OSBPL9: variants seen among roughly 807,000 people sequenced by gnomAD.
OSBPL9 encodes the protein oxysterol-binding protein-related protein 9.
In OSBPL9, 40 loss-of-function variants were observed where a neutral mutation model predicts 106.6. The observed-to-expected ratio is 0.38, with a 90% CI of 0.29 to 0.49. OSBPL9 has a LOEUF of 0.49. OSBPL9 is among the 20% of genes least tolerant of loss of function. OSBPL9 has a pLI of 0.97. For missense variants in OSBPL9, 609 were observed against 887.2 expected (o/e 0.69, Z 3.98); for synonymous variants, 269 against 295.4 (o/e 0.91, Z 0.92).
chr1:51,526,648 G>A, the OSBPL9 span, among the ~76,000 whole-genome samples: 8 of 152,098 alleles, frequency 5.3e-5, no homozygotes, highest in African/African-American at 1.9e-4. Context: ...GGAAGCAAAG[G>A]AGATTCTTAC....
chr1:51,647,022 A>G (rs1016752412), intron 1 of OSBPL9, among the ~76,000 whole-genome samples: 12 of 152,176 alleles, frequency 7.9e-5, no homozygotes, highest in Non-Finnish European at 1.2e-4. Context: ...TAAAGCTTTT[A>G]ATCTTTCATC....
Position 51,788,573 on chromosome 1 carries a change from A to C in OSBPL9, c.*784A>C, listed in dbSNP as rs1479761983. ...CAAAGAAAGACACTTGAAATAATGG[A>C]GGATCCATTCTTTTCCTCTGTCAGA... On this transcript the variant is annotated 3_prime_UTR_variant, in exon 24 of 24. Transcript: ENST00000428468. 1.3e-5 allele frequency: 2 copies of C among 152,478 alleles called. No individual in the cohort carries two copies. 9.4% of individuals were successfully genotyped at this position (152,478 alleles called of 1,614,324 possible).
the OSBPL9 span, among the ~76,000 whole-genome samples, chr1:51,545,302 T>C: frequency 6.6e-6 from 1 of 152,092 alleles, no homozygotes; most frequent in African/African-American, 2.4e-5. Context: ...AATAGACAAA[T>C]ACATAGATAC....
chr1:51,781,018 A>T, intron 15 of OSBPL9, 146 bp from the exon 16 acceptor site: 1 of 632,788 alleles, frequency 1.6e-6, no homozygotes, highest in Non-Finnish European at 2.7e-6. Context: ...ATTATACTCA[A>T]TTTTAAAATG....
At chr1:51,730,421 T>G (rs1277694119) in intron 4 of OSBPL9, among the ~76,000 whole-genome samples, 1 of 152,174 alleles carries the variant, frequency 6.6e-6, no homozygotes, top group Non-Finnish European at 1.5e-5. Flanking sequence ...GGCCAAGTGT[T>G]TTTTGGTGGT....
At chr1:51,616,003 G>GTTTTTTTTTTTTTTTTTTTTTTTT (rs764823727), upstream of OSBPL9, among the ~76,000 whole-genome samples, 1 of 104,498 alleles carries the variant, frequency 9.6e-6, no homozygotes. Context: ...AAATCCTTTG[G>GTTTTTTTTTTTTTTTTTTTTTTTT]TTTTTTTTTT....
intron 2 of OSBPL9, among the ~76,000 whole-genome samples, chr1:51,603,807 A>T (rs1241568271): frequency 1.3e-5 from 2 of 152,146 alleles, no homozygotes; most frequent in East Asian, 3.8e-4. Flanking sequence ...ATTATTTAGG[A>T]TATGATATCA....
At chr1:51,530,170 C>CAAAAAAAAAAAAAAA in the OSBPL9 span, among the ~76,000 whole-genome samples, 20 of 10,996 alleles carry the variant, frequency 1.8e-3, 1 homozygote, top group Admixed American at 2.7e-3. Context: ...GACTCTGTCT[C>CAAAAAAAAAAAAAAA]AAAAAAAAAA....
the OSBPL9 span, among the ~76,000 whole-genome samples, chr1:51,559,021 GA>G: frequency 3.3e-5 from 5 of 152,030 alleles, no homozygotes; most frequent in Non-Finnish European, 7.4e-5. Flanking sequence ...TTCCACCAAA[GA>G]AAAAAAGGTA....
chr1:51,558,284 A>G, the OSBPL9 span, among the ~76,000 whole-genome samples: 1 of 123,744 alleles, frequency 8.1e-6, no homozygotes, highest in African/African-American at 3.6e-5. Flanking sequence ...CGTCTCAAAA[A>G]GAAAAAAAAA....
intron 3 of OSBPL9, among the ~76,000 whole-genome samples, chr1:51,676,230 G>A (rs745377343): frequency 2.0e-5 from 3 of 152,070 alleles, no homozygotes; most frequent in Non-Finnish European, 4.4e-5. Flanking sequence ...AGGAGTTTGA[G>A]ACCAGCCTGG....
At chr1:51,735,676 G>T (rs1475434862) in intron 4 of OSBPL9, among the ~76,000 whole-genome samples, 3 of 152,204 alleles carry the variant, frequency 2.0e-5, no homozygotes, top group Non-Finnish European at 4.4e-5. Context: ...TCCGGCACAG[G>T]GCCATAGTCA....
At chr1:51,571,523 T>C in the OSBPL9 span, among the ~76,000 whole-genome samples, 1 of 151,956 alleles carries the variant, frequency 6.6e-6, no homozygotes, top group South Asian at 2.1e-4. Flanking sequence ...AAAAATTAGT[T>C]GGGGATGGTG....
chr1:51,783,356 T>A (rs116402240), intron 17 of OSBPL9, among the ~76,000 whole-genome samples: 1,978 of 151,080 alleles, frequency 0.013, 41 homozygotes, highest in African/African-American at 0.043. Context: ...CTTATTTTTT[T>A]TTTTTTTTTT....
intron 3 of OSBPL9, among the ~76,000 whole-genome samples, chr1:51,678,003 G>A (rs1184106711): frequency 6.6e-6 from 1 of 150,980 alleles, no homozygotes; most frequent in African/African-American, 2.4e-5. Flanking sequence ...GTGAGGTCCT[G>A]TCTCTACAAA....
chr1:51,634,727 C>G (rs1645314377), intron 1 of OSBPL9, among the ~76,000 whole-genome samples: 2 of 152,136 alleles, frequency 1.3e-5, no homozygotes, highest in Admixed American at 6.5e-5. Flanking sequence ...TGTTCTCACG[C>G]CGCTGACAGA....
Position 51,685,527 on chromosome 1 carries a change from C to A in OSBPL9, c.241+16015C>A, listed in dbSNP as rs559333034. ...GGTTCAAGCGATTCTCCTGCCTTAG[C>A]CTCCCAAGTAGCTGGGATTATAGGC... is the stretch of plus-strand genomic sequence containing the variant. On this transcript the variant is annotated intron_variant, in intron 3 of 23. Transcript: ENST00000428468. 2.2e-4 allele frequency among the ~76,000 whole-genome samples: 34 copies of A among 152,276 alleles called. 1 individual carries two copies. The Middle Eastern group carries it at 0.01, about 46-fold the overall frequency.
intron 20 of OSBPL9, chr1:51,785,257 A>C (rs914660990): frequency 6.5e-6 from 1 of 154,014 alleles, no homozygotes; most frequent in African/African-American, 2.4e-5. Flanking sequence ...CTTCCTAACC[A>C]GGCCTTTGCT....
the OSBPL9 span, chr1:51,518,326 G>A: frequency 1.3e-5 from 2 of 152,558 alleles, no homozygotes; most frequent in East Asian, 3.9e-4. Flanking sequence ...AGGGAAGCTC[G>A]AGAACAGGTT....
Sources: allele counts gnomAD v4.1 joint callset (sites outside exome capture counted in the v4.1 genomes callset), GRCh38; gene constraint gnomAD v4.1.1; transcripts MANE v1.5; gene names NCBI Gene and HGNC (gene_info 2026-07-23, HGNC 2026-07-21).